Variants in NDUFAF7 observed in about 807,000 individuals in gnomAD.
NDUFAF7 encodes the protein NADH:ubiquinone oxidoreductase complex assembly factor 7, also known as protein arginine methyltransferase NDUFAF7, mitochondrial.
In NDUFAF7, 48 loss-of-function variants were observed where a neutral mutation model predicts 47.2. The observed-to-expected ratio is 1.02, with a 90% CI of 0.81 to 1.29. NDUFAF7 has a LOEUF of 1.29. Ranked by LOEUF, NDUFAF7 falls within the 50% of genes most tolerant of loss-of-function variation. The pLI, the probability that NDUFAF7 is intolerant of heterozygous loss-of-function variation, is 0.00. For missense variants in NDUFAF7, 635 were observed against 537.6 expected, an observed-to-expected ratio of 1.18 and a Z score of -1.79; for synonymous variants, 217 against 190.0, an observed-to-expected ratio of 1.14 and a Z score of -1.17.
chr2:37,234,866 C>T (rs2430495), intron 2 of NDUFAF7, among the ~76,000 whole-genome samples: 149,099 of 152,280 alleles, frequency 0.98, 73,013 homozygotes, highest in East Asian at 1. Flanking sequence ...CTGAGGAATT[C>T]GTATTTTATA....
At chr2:37,253,352 T>C (rs764634144), downstream of NDUFAF7, 1 of 1,596,494 alleles carries the variant, frequency 6.3e-7, no homozygotes, top group Admixed American at 1.7e-5. Flanking sequence ...CTGATAGTCC[T>C]AGGAGAAAAT....
chr2:37,247,589 A>G lies in NDUFAF7; in HGVS notation c.1070A>G (p.His357Arg), dbSNP rs141683919. ...KVASLGPIKQHTFLKNMGIDV... is the reference protein window; with the variant it reads ...KVASLGPIKQRTFLKNMGIDV... ...GCCTCTCTGGGCCCAATAAAACAAC[A>G]CACATTTTTAAAAAATATGGGTATT... The change falls in exon 9 of 10, where the codon CAC becomes CGC. Residue 357 changes from histidine (H) to arginine (R), a missense_variant. Transcript: ENST00000002125. 62 of 1,614,014 alleles carry G rather than the reference A, an allele frequency of 3.8e-5. No homozygotes were observed. In the African/African-American group the frequency reaches 7.3e-4, roughly 19 times the overall value.
chr2:37,257,582 C>T (rs1358467750), downstream of NDUFAF7, among the ~76,000 whole-genome samples: 3 of 142,082 alleles, frequency 2.1e-5, no homozygotes, highest in Admixed American at 7.9e-5. Context: ...AGGAGAATGG[C>T]GTGAACCCAG....
intron 3 of NDUFAF7, among the ~76,000 whole-genome samples, chr2:37,236,743 T>C (rs1340525325): frequency 1.4e-5 from 2 of 147,704 alleles, no homozygotes; most frequent in East Asian, 2.1e-4. Context: ...ATGGCGCCAC[T>C]GCACTCCAGC....
chr2:37,238,947 A>G (rs1480826510), intron 4 of NDUFAF7, among the ~76,000 whole-genome samples: 1 of 151,872 alleles, frequency 6.6e-6, no homozygotes, highest in East Asian at 1.9e-4. Context: ...GTAGTCAGGA[A>G]GATGAAAATT....
the NDUFAF7 span, among the ~76,000 whole-genome samples, chr2:37,259,362 A>G: frequency 1.3e-5 from 2 of 152,244 alleles, no homozygotes; most frequent in Non-Finnish European, 2.9e-5. Context: ...TGCAGAATCT[A>G]TGTGCAGTTA....
At chr2:37,264,714 G>C in the NDUFAF7 span, among the ~76,000 whole-genome samples, 2 of 151,992 alleles carry the variant, frequency 1.3e-5, no homozygotes, top group Non-Finnish European at 2.9e-5. Flanking sequence ...TTGAGATATA[G>C]CAAGAAAGTC....
At chr2:37,242,494 G>T in intron 5 of NDUFAF7, 141 bp from the exon 6 acceptor site, 2 of 673,182 alleles carry the variant, frequency 3.0e-6, no homozygotes. Context: ...GTTCTGCAGT[G>T]TAAGTTTTCC....
chr2:37,255,257 T>C (rs1321722035), downstream of NDUFAF7, among the ~76,000 whole-genome samples: 1 of 152,268 alleles, frequency 6.6e-6, no homozygotes. Context: ...CTTAAACTTT[T>C]CCCAGTTTGA....
chr2:37,242,555 AT>A (rs550211284), intron 5 of NDUFAF7, 79 bp from the exon 6 acceptor site: 144 of 1,186,006 alleles, frequency 1.2e-4, no homozygotes, highest in Admixed American at 2.6e-4. Context: ...GGAAGTAGGC[AT>A]TTTTTTTACA....
At chr2:37,271,243 C>T in the NDUFAF7 span, among the ~76,000 whole-genome samples, 1 of 151,970 alleles carries the variant, frequency 6.6e-6, no homozygotes, top group Non-Finnish European at 1.5e-5. Context: ...CTCTCTAGTC[C>T]AGGGGTTAGC....
chr2:37,233,335 G>A (rs1665387118), intron 2 of NDUFAF7, among the ~76,000 whole-genome samples: 1 of 152,210 alleles, frequency 6.6e-6, no homozygotes, highest in African/African-American at 2.4e-5. Flanking sequence ...CGCTGTAAGA[G>A]TCTGGCGTTC....
the NDUFAF7 span, chr2:37,269,600 G>C: frequency 6.3e-7 from 1 of 1,595,176 alleles, no homozygotes; most frequent in Non-Finnish European, 8.6e-7. Flanking sequence ...TATGCAAACG[G>C]CTGTAGTTGC....
intron 3 of NDUFAF7, among the ~76,000 whole-genome samples, 155 bp from the exon 4 acceptor site, chr2:37,237,602 A>G (rs1041836322): frequency 6.6e-6 from 1 of 152,244 alleles, no homozygotes; most frequent in African/African-American, 2.4e-5. Flanking sequence ...GGAAGTTCCT[A>G]TGTGAACATG....
At chr2:37,266,707 C>T in the NDUFAF7 span, among the ~76,000 whole-genome samples, 11 of 152,032 alleles carry the variant, frequency 7.2e-5, no homozygotes, top group Admixed American at 7.2e-4. Context: ...AGGCTGGTCC[C>T]GAACTCCTAA....
Position 37,249,089 on chromosome 2 carries a change from G to C in NDUFAF7, c.*739G>C. ...AAGTGAAAAAAAGTAGGATGCAAGA[G>C]TTTTTATAGTTGATTCCATTTTTGT... On this transcript the variant is annotated 3_prime_UTR_variant, in exon 10 of 10. Transcript: ENST00000002125. 1 of 152,226 alleles carries C rather than the reference G, an allele frequency of 6.6e-6. No individual in the cohort carries two copies. The highest frequency in any genetic ancestry group is 1.5e-5 in the Non-Finnish European group (1 of 68,092). 9.4% of individuals were successfully genotyped at this position (152,226 alleles called of 1,614,324 possible).
chr2:37,254,122 T>C, downstream of NDUFAF7: 6 of 980,408 alleles, frequency 6.1e-6, no homozygotes, highest in Non-Finnish European at 9.8e-6. Context: ...CTGCTGATCT[T>C]AGAGTGGTCT....
chr2:37,261,118 T>C, the NDUFAF7 span, among the ~76,000 whole-genome samples: 2 of 152,226 alleles, frequency 1.3e-5, no homozygotes, highest in African/African-American at 2.4e-5. Context: ...AATAACCTGG[T>C]TTCAGTCTTC....
rs181612497 is a variant in NDUFAF7, at chr2:37,235,695, C to T, written c.217-401C>T. 1.6e-3 allele frequency among the ~76,000 whole-genome samples: 249 copies of T among 151,074 alleles called. 1 individual carries two copies. Among genetic ancestry groups the T allele is most frequent in the African/African-American group, 5.6e-3 (230 of 41,268 alleles). ...TTTGAGATGGAGTCTCACTTTGTCA[C>T]CTAGGCTGGAGTGCAGTGGCGCGAT... On this transcript the variant is annotated intron_variant, in intron 2 of 9. Coordinates refer to ENST00000002125, the MANE Select transcript of NDUFAF7 (RefSeq NM_144736.5).
Sources: allele counts gnomAD v4.1 joint callset (sites outside exome capture counted in the v4.1 genomes callset), GRCh38; gene constraint gnomAD v4.1.1; transcripts MANE v1.5; gene names NCBI Gene and HGNC (gene_info 2026-07-23, HGNC 2026-07-21).